Variants in TEF observed in about 807,000 individuals in gnomAD.
TEF encodes the protein thyrotroph embryonic factor.
Under a neutral mutation model 20.8 loss-of-function variants are expected in TEF, and 3 were observed. That is an observed-to-expected ratio of 0.14 (90% CI 0.07 to 0.37). The LOEUF (loss-of-function observed/expected upper bound fraction) is 0.37, where lower values mean the gene tolerates loss of function less well. TEF is among the 10% of genes least tolerant of loss of function. The pLI, the probability that TEF is intolerant of heterozygous loss-of-function variation, is 1.00. For missense variants in TEF, 296 were observed against 397.9 expected (o/e 0.74, Z 2.18); for synonymous variants, 180 against 171.1 (o/e 1.05, Z -0.41).
rs1400007025 is a variant in TEF, at chr22:41,397,791, G to C, written c.*1831G>C. Reference sequence around the variant, plus strand: ...TGCCCCGGGCAGCTCTCCCTCCCGGGCACGCTCCCTCTGGCCTGGTGGATC... The same window carrying C: ...TGCCCCGGGCAGCTCTCCCTCCCGGCCACGCTCCCTCTGGCCTGGTGGATC... On this transcript the variant is annotated 3_prime_UTR_variant, in exon 4 of 4. Coordinates refer to ENST00000266304, the MANE Select transcript of TEF (RefSeq NM_003216.4). 6.6e-6 allele frequency: 1 copy of C among 152,264 alleles called. No individual in the cohort carries two copies. Among genetic ancestry groups the C allele is most frequent in the East Asian group, 1.9e-4 (1 of 5,200 alleles). 9.4% of individuals were successfully genotyped at this position (152,264 alleles called of 1,614,324 possible). A position where few individuals can be genotyped will look rare whatever the true frequency, so the allele number is the denominator to read the frequency against.
chr22:41,375,086 T>C (rs1381749305), intron 1 of TEF, among the ~76,000 whole-genome samples: 1 of 152,190 alleles, frequency 6.6e-6, no homozygotes, highest in Non-Finnish European at 1.5e-5. Context: ...TATCTGGTAG[T>C]GGCTTCTGAG....
upstream of TEF, among the ~76,000 whole-genome samples, chr22:41,380,150 TTTTA>T (rs1364871654): frequency 3.3e-5 from 5 of 152,130 alleles, no homozygotes; most frequent in East Asian, 1.9e-4. Flanking sequence ...GCAAAATTAT[TTTTA>T]TTTATTTATT....
chr22:41,378,470 C>T (rs548114151), upstream of TEF, among the ~76,000 whole-genome samples: 11 of 152,066 alleles, frequency 7.2e-5, no homozygotes, highest in Admixed American at 5.9e-4. Context: ...TTCAACCTCC[C>T]GAGTTGCTGG....
At position 41,395,813 on chromosome 22, in the gene TEF, C is replaced by G. The variant is rs749392424; in HGVS notation, c.765C>G (p.Arg255=). 1 of 1,614,182 alleles carries G rather than the reference C, an allele frequency of 6.2e-7. No individual in the cohort carries two copies. The highest frequency in any genetic ancestry group is 8.5e-7 in the Non-Finnish European group (1 of 1,180,034). Residue 255 remains arginine, a synonymous_variant, in exon 4 of 4, where the codon CGC becomes CGG. Transcript: ENST00000266304. ...CTAAACGGTCACGGGATGCCCGGCG[C>G]CTGAAAGAGAATCAGATCACCATCC... ...VAAKRSRDAR[R]LKENQITIRA...
At chr22:41,377,926 C>A (rs183387551), upstream of TEF, among the ~76,000 whole-genome samples, 243 of 152,250 alleles carry the variant, frequency 1.6e-3, 1 homozygote, top group Middle Eastern at 6.8e-3. Flanking sequence ...TTTTGGATAA[C>A]TACAGCTAAA....
At chr22:41,386,328 C>A (rs1478751177) in intron 1 of TEF, among the ~76,000 whole-genome samples, 2 of 152,244 alleles carry the variant, frequency 1.3e-5, no homozygotes, top group Non-Finnish European at 2.9e-5. Flanking sequence ...ATAATCCCAG[C>A]TACTTGGGAG....
Position 41,397,181 on chromosome 22 carries a change from A to G in TEF, c.*1221A>G, listed in dbSNP as rs2037240112. The G allele has an allele frequency of 2.5e-6, 1 of 398,336 alleles. No homozygotes were observed. Among genetic ancestry groups the G allele is most frequent in the South Asian group, 1.3e-4 (1 of 7,708 alleles). 24.7% of individuals were successfully genotyped at this position (398,336 alleles called of 1,614,324 possible). ...GATAGCAGGCTCTTGGGACTTTTAC[A>G]CAGGCCTAGGGTCCCCTCAGTCTTG... On this transcript the variant is annotated 3_prime_UTR_variant, in exon 4 of 4. Transcript: ENST00000266304.
intron 1 of TEF, chr22:41,369,867 G>A (rs1352832343): frequency 1.0e-6 from 1 of 983,882 alleles, no homozygotes; most frequent in East Asian, 1.1e-4. Flanking sequence ...ACTTCCTGCT[G>A]CTCCCGTCCA....
chr22:41,370,084 C>T (rs1316457300), intron 1 of TEF: 5 of 985,068 alleles, frequency 5.1e-6, no homozygotes, highest in African/African-American at 1.7e-5. Context: ...CTCCGTGCAG[C>T]CTCTCACTCC....
chr22:41,373,508 C>T (rs889447341), intron 1 of TEF, among the ~76,000 whole-genome samples: 5 of 151,950 alleles, frequency 3.3e-5, no homozygotes, highest in East Asian at 1.9e-4. Context: ...CTCACTCTGT[C>T]GCCCAGGCTG....
chr22:41,379,007 G>A (rs543838511), upstream of TEF, among the ~76,000 whole-genome samples: 29 of 152,328 alleles, frequency 1.9e-4, no homozygotes, highest in African/African-American at 6.5e-4. Flanking sequence ...ATTTGTTGAA[G>A]GTTTGCAACT....
chr22:41,381,243 G>T (rs1012040763), upstream of TEF, among the ~76,000 whole-genome samples: 1 of 152,218 alleles, frequency 6.6e-6, no homozygotes, highest in African/African-American at 2.4e-5. Flanking sequence ...GCTAAGCTCA[G>T]CGTCCCTGCC....
At chr22:41,384,063 C>T (rs932515008) in intron 1 of TEF, among the ~76,000 whole-genome samples, 2 of 152,324 alleles carry the variant, frequency 1.3e-5, no homozygotes, top group African/African-American at 4.8e-5. Context: ...TCAAAACCTC[C>T]ACCTTCTTAA....
chr22:41,370,122 T>C (rs971671135), intron 1 of TEF: 562 of 828,914 alleles, frequency 6.8e-4, no homozygotes, highest in Middle Eastern at 1.2e-3. Flanking sequence ...CTTTCCCCCT[T>C]TTTTTTTTTT....
Position 41,399,006 on chromosome 22 carries a change from C to T in TEF, c.*3046C>T, listed in dbSNP as rs950245421. On this transcript the variant is annotated 3_prime_UTR_variant, in exon 4 of 4. Transcript: ENST00000266304. ...ATGACTTCCAGGTGGATATTGCTCT[C>T]TTACGGTGTTGGGGATGCCAGAACA... 2.0e-5 allele frequency: 3 copies of T among 152,704 alleles called. No homozygotes were observed. The highest frequency in any genetic ancestry group is 2.0e-4 in the Admixed American group (3 of 15,280). 9.5% of individuals were successfully genotyped at this position (152,704 alleles called of 1,614,324 possible).
At chr22:41,370,485 T>A (rs2036871533) in intron 1 of TEF, among the ~76,000 whole-genome samples, 2 of 146,916 alleles carry the variant, frequency 1.4e-5, no homozygotes, top group African/African-American at 5.1e-5. Flanking sequence ...CAACGTCAGC[T>A]CACTGTAACC....
chr22:41,396,140 C>T lies in TEF; in HGVS notation c.*180C>T, dbSNP rs1900176930. On this transcript the variant is annotated 3_prime_UTR_variant, in exon 4 of 4. Transcript: ENST00000266304. ...CCATGGCCTGCGCACGTGGCGACGTCCCTGAGGGGCCAGTCTCCTCACTGG... is the reference window on the plus strand; with the variant it reads ...CCATGGCCTGCGCACGTGGCGACGTTCCTGAGGGGCCAGTCTCCTCACTGG... 1.6e-6 allele frequency: 1 copy of T among 625,882 alleles called. No individual in the cohort carries two copies. Among genetic ancestry groups the T allele is most frequent in the Admixed American group, 3.0e-5 (1 of 33,074 alleles). The allele number at this position is 625,882 out of a possible 1,614,324, so 38.8% of individuals were successfully genotyped here. A position where few individuals can be genotyped will look rare whatever the true frequency, so the allele number is the denominator to read the frequency against.
chr22:41,375,087 G>A (rs2036924486), intron 1 of TEF, among the ~76,000 whole-genome samples: 3 of 152,180 alleles, frequency 2.0e-5, no homozygotes, highest in Non-Finnish European at 4.4e-5. Context: ...ATCTGGTAGT[G>A]GCTTCTGAGA....
upstream of TEF, among the ~76,000 whole-genome samples, chr22:41,380,755 T>C (rs1424899561): frequency 6.6e-6 from 1 of 152,156 alleles, no homozygotes; most frequent in Non-Finnish European, 1.5e-5. Context: ...GCGCCACATA[T>C]TACATTTTTA....
Sources: gnomAD v4.1 joint callset for allele counts (sites outside exome capture counted in the v4.1 genomes callset) on GRCh38, gnomAD v4.1.1 for gene constraint, MANE v1.5 for transcripts, NCBI Gene and HGNC (gene_info 2026-07-23, HGNC 2026-07-21) for gene names.